ICE1: variants seen among roughly 807,000 people sequenced by gnomAD.
ICE1 encodes interactor of little elongation complex ELL subunit 1.
In ICE1, 64 loss-of-function variants were observed where a neutral mutation model predicts 192.7. The ratio of observed to expected loss-of-function variants is 0.33; its 90% CI spans 0.27 to 0.41. The LOEUF (loss-of-function observed/expected upper bound fraction) is 0.41. ICE1 is among the 10% of genes least tolerant of loss of function. ICE1 has a pLI of 1.00. For synonymous variants in ICE1, 1,010 were observed against 984.5 expected (o/e 1.03, Z -0.49); for missense variants, 2,708 against 2,696.0 (o/e 1.00, Z -0.10).
rs750912400 is a variant in ICE1 at position 5,463,696 on chromosome 5, A to G, written c.4362A>G (p.Gln1454=). Reference sequence around the variant, plus strand: ...GAGACATCCCTATTTCTCAGGATCAAGGAGAGCTGGAAGCTGGTTGCATCC... The same window carrying G: ...GAGACATCCCTATTTCTCAGGATCAGGGAGAGCTGGAAGCTGGTTGCATCC... The part of the protein sequence containing the change: ...IPGDIPISQD[Q]GELEAGCIPV... The change falls in exon 13 of 19, where the codon CAA becomes CAG. Residue 1454 remains glutamine (Q), a synonymous_variant. Coordinates refer to ENST00000296564, the MANE Select transcript of ICE1 (RefSeq NM_015325.3). The G allele has an allele frequency of 9.9e-6, 16 of 1,613,796 alleles. No homozygotes were observed. Among genetic ancestry groups the G allele is most frequent in the Non-Finnish European group, 1.3e-5 (15 of 1,179,844 alleles).
intron 2 of ICE1, among the ~76,000 whole-genome samples, chr5:5,436,678 C>T (rs918430532): frequency 1.3e-5 from 2 of 152,062 alleles, no homozygotes; most frequent in African/African-American, 2.4e-5. Context: ...AAACAAAGCT[C>T]GTGGGTTAGT....
At chr5:5,434,739 T>C (rs1579539977) in intron 1 of ICE1, among the ~76,000 whole-genome samples, 1 of 152,270 alleles carries the variant, frequency 6.6e-6, no homozygotes, top group South Asian at 2.1e-4. Flanking sequence ...TTTGATTTCA[T>C]TATATGCTGC....
At chr5:5,475,930 G>T in intron 16 of ICE1, 43 bp from the exon 17 acceptor site, 1 of 1,126,560 alleles carries the variant, frequency 8.9e-7, no homozygotes, top group South Asian at 1.3e-5. Context: ...AGTATTATTT[G>T]AGTGATGATG....
chr5:5,466,272 C>T lies in ICE1; in HGVS notation c.5893-62C>T. 17 of 1,412,810 alleles carry T rather than the reference C, an allele frequency of 1.2e-5. No homozygotes were observed. The South Asian group carries it at 2.2e-4, about 19-fold the overall frequency. 87.5% of individuals were successfully genotyped at this position (1,412,810 alleles called of 1,614,324 possible). A position where few individuals can be genotyped will look rare whatever the true frequency, so the allele number is the denominator to read the frequency against. ...TTAAGTTTTGTAACTTTTAGATAATCTTTGGTAGGCTGAAGATAAGTATGA... is the reference window on the plus strand; with the variant it reads ...TTAAGTTTTGTAACTTTTAGATAATTTTTGGTAGGCTGAAGATAAGTATGA... On this transcript the variant is annotated intron_variant, in intron 13 of 18. Coordinates refer to ENST00000296564, the MANE Select transcript of ICE1 (RefSeq NM_015325.3).
intron 10 of ICE1, among the ~76,000 whole-genome samples, chr5:5,449,546 G>A (rs1240954861): frequency 6.6e-6 from 1 of 152,012 alleles, no homozygotes. Context: ...ATGCACAGCA[G>A]ATAGTATCAA....
At chr5:5,480,463 T>C (rs1739474466) in intron 17 of ICE1, among the ~76,000 whole-genome samples, 1 of 152,096 alleles carries the variant, frequency 6.6e-6, no homozygotes, top group South Asian at 2.1e-4. Context: ...TTAGCCAGGA[T>C]GGTCTCGATC....
chr5:5,466,325 TC>T lies in ICE1; in HGVS notation c.5893-8del. ...GTACATTGCCTTTTTAATTTTTTTT[TC>T]AATCCAGCATTTAGCAGAGTGCTTG... is the stretch of plus-strand genomic sequence containing the variant. On this transcript the variant is annotated splice_region_variant and splice_polypyrimidine_tract_variant and intron_variant, in intron 13 of 18. Coordinates refer to ENST00000296564, the MANE Select transcript of ICE1 (RefSeq NM_015325.3). 6.3e-7 allele frequency: 1 copy of T among 1,583,294 alleles called. No homozygotes were observed. The highest frequency in any genetic ancestry group is 8.6e-7 in the Non-Finnish European group (1 of 1,168,360).
chr5:5,427,616 A>G (rs899000110), intron 1 of ICE1, among the ~76,000 whole-genome samples: 26 of 152,350 alleles, frequency 1.7e-4, no homozygotes, highest in Admixed American at 1.3e-3. Context: ...CTGGACTCCC[A>G]TTGATAATCG....
intron 17 of ICE1, among the ~76,000 whole-genome samples, chr5:5,481,414 T>C (rs1739501723): frequency 6.6e-6 from 1 of 152,142 alleles, no homozygotes; most frequent in Admixed American, 6.5e-5. Context: ...TCTTTGCGTT[T>C]ATAGAGGAGG....
chr5:5,483,218 A>G (rs1739554187), intron 17 of ICE1, among the ~76,000 whole-genome samples: 1 of 151,706 alleles, frequency 6.6e-6, no homozygotes. Flanking sequence ...CTGGTCTCAA[A>G]CTCCCGGCCT....
rs755582243 is a variant in ICE1, at chr5:5,464,275, A to G, written c.4941A>G (p.Ser1647=). 6.2e-7 allele frequency: 1 copy of G among 1,613,448 alleles called. No individual in the cohort carries two copies. The highest frequency in any genetic ancestry group is 8.5e-7 in the Non-Finnish European group (1 of 1,179,780). Residue 1647 remains serine, a synonymous_variant, in exon 13 of 19, where the codon TCA becomes TCG. Transcript: ENST00000296564. The surrounding 1 kb of genome is among the most constrained non-coding windows in gnomAD (Gnocchi z 4.0). ...TGATAGCTACACCTCCAAGGACTTC[A>G]CAGCCACTGTCTCCACTGATATCGA... The part of the protein sequence containing the change: ...APLIATPPRT[S]QPLSPLISSS...
intron 15 of ICE1, 90 bp from the exon 16 acceptor site, chr5:5,473,468 C>G (rs10067531): frequency 9.1e-6 from 10 of 1,097,586 alleles, no homozygotes; most frequent in Non-Finnish European, 1.3e-5. Flanking sequence ...GATTAGTCAT[C>G]GAATGCTTAT....
chr5:5,423,225 A>G (rs1429995371), intron 1 of ICE1, among the ~76,000 whole-genome samples: 2 of 152,194 alleles, frequency 1.3e-5, no homozygotes, highest in East Asian at 3.9e-4. Context: ...CATTGACTGG[A>G]ATGCGCTGGT....
intron 17 of ICE1, among the ~76,000 whole-genome samples, chr5:5,477,420 C>A (rs1283845221): frequency 6.6e-6 from 1 of 152,236 alleles, no homozygotes; most frequent in Non-Finnish European, 1.5e-5. Flanking sequence ...CACACACACT[C>A]TCCCAAGACT....
chr5:5,422,807 G>A lies in ICE1; in HGVS notation c.-109G>A, dbSNP rs1470175201. On this transcript the variant is annotated 5_prime_UTR_variant, in exon 1 of 19. Transcript: ENST00000296564. ...ACGGATGGACCCGCCCGGACCTGGC[G>A]GGAAGCGGCCTGGCAGGCGGCGGCC... The A allele has an allele frequency of 5.1e-6, 4 of 783,184 alleles. No homozygotes were observed. Among genetic ancestry groups the A allele is most frequent in the Admixed American group, 4.5e-5 (1 of 22,284 alleles). 48.5% of individuals were successfully genotyped at this position (783,184 alleles called of 1,614,324 possible).
chr5:5,472,241 C>T (rs772132427), intron 15 of ICE1, among the ~76,000 whole-genome samples: 4 of 152,130 alleles, frequency 2.6e-5, no homozygotes, highest in African/African-American at 4.8e-5. Context: ...AGCACTTAAG[C>T]AACTCTTGAA....
At chr5:5,438,737 G>C (rs1177702582) in intron 3 of ICE1, among the ~76,000 whole-genome samples, 1 of 152,136 alleles carries the variant, frequency 6.6e-6, no homozygotes, top group Non-Finnish European at 1.5e-5. Context: ...AGGTTGGCCA[G>C]AAAAATTTTA....
Position 5,464,238 on chromosome 5 carries a change from TG to T in ICE1, c.4905del (p.Ala1637LeufsTer3). ...GAGGTGGGGCCTCCTTTGCCGCCTC[TG>T]CTTGCTCCTCTGATAGCTACACCTC... ...RQEVGPPLPPLLAPLIATPPR... is the reference protein window; with the variant it reads ...RQEVGPPLPPXLAPLIATPPR... On this transcript the variant is annotated frameshift_variant, in exon 13 of 19. Coordinates refer to ENST00000296564, the MANE Select transcript of ICE1 (RefSeq NM_015325.3). LOFTEE classifies it high-confidence loss of function. This position sits in a 1 kb window ranked among gnomAD's most constrained non-coding sequence, Gnocchi z 4.0. 6.2e-7 allele frequency: 1 copy of T among 1,613,568 alleles called. No homozygotes were observed. Among genetic ancestry groups the T allele is most frequent in the Non-Finnish European group, 8.5e-7 (1 of 1,179,832 alleles).
chr5:5,433,691 G>A (rs1460157478), intron 1 of ICE1, among the ~76,000 whole-genome samples: 1 of 152,146 alleles, frequency 6.6e-6, no homozygotes, highest in East Asian at 1.9e-4. Flanking sequence ...TATCTGTAAA[G>A]ACCCTATTTC....
Sources: gnomAD v4.1 joint callset for allele counts (sites outside exome capture counted in the v4.1 genomes callset) on GRCh38, gnomAD v4.1.1 for gene constraint, Gnocchi (gnomAD v3.1) non-coding constraint, MANE v1.5 for transcripts, NCBI Gene and HGNC (gene_info 2026-07-23, HGNC 2026-07-21) for gene names.